The following KIZ variants were observed in gnomAD, a reference collection of about 807,000 sequenced individuals.
The protein encoded by KIZ is centrosomal protein kizuna.
A neutral mutation model predicts 79.6 loss-of-function variants in KIZ; 68 were observed. The ratio of observed to expected loss-of-function variants is 0.85; its 90% CI spans 0.70 to 1.05. The LOEUF (loss-of-function observed/expected upper bound fraction) is 1.05. KIZ is among the 50% of genes least tolerant of loss of function. The pLI is 0.00. For synonymous variants in KIZ, 280 were observed against 281.8 expected (o/e 0.99, Z 0.06); for missense variants, 797 against 800.4 (o/e 1.00, Z 0.05).
chr20:21,186,964 TAATACA>T (rs1285055157), intron 6 of KIZ, among the ~76,000 whole-genome samples: 4 of 152,184 alleles, frequency 2.6e-5, no homozygotes, highest in Non-Finnish European at 5.9e-5. Context: ...ATCTTCAGTT[TAATACA>T]GGGCAGGTTG....
intron 4 of KIZ, among the ~76,000 whole-genome samples, chr20:21,149,624 A>G (rs2033016090): frequency 6.6e-6 from 1 of 152,178 alleles, no homozygotes; most frequent in Non-Finnish European, 1.5e-5. Context: ...CCACTGCAGG[A>G]GAGGCACACG....
At chr20:21,188,716 T>TTTATTTATTTATTTA (rs2123002673) in intron 6 of KIZ, among the ~76,000 whole-genome samples, 1 of 89,166 alleles carries the variant, frequency 1.1e-5, no homozygotes, top group East Asian at 3.9e-4. Context: ...TTATTTATTT[T>TTTATTTATTTATTTA]TGAGACGGAG....
intron 4 of KIZ, chr20:21,160,960 A>G (rs2033625327): frequency 6.5e-6 from 1 of 153,128 alleles, no homozygotes; most frequent in African/African-American, 2.4e-5. Context: ...TATCAGAAAC[A>G]AATTTCTGTT....
At chr20:21,139,385 TTAAATGTG>T (rs2032388787) in intron 3 of KIZ, among the ~76,000 whole-genome samples, 1 of 152,168 alleles carries the variant, frequency 6.6e-6, no homozygotes, top group Non-Finnish European at 1.5e-5. Flanking sequence ...AGATATATGG[TTAAATGTG>T]TTCAAGCAAT....
intron 5 of KIZ, 91 bp from the exon 6 acceptor site, chr20:21,162,759 A>C (rs1260619395): frequency 9.5e-7 from 1 of 1,053,252 alleles, no homozygotes; most frequent in Non-Finnish European, 1.4e-6. Context: ...TTGCTTCTCC[A>C]TGTTTTTAAC....
At chr20:21,207,440 A>T (rs1195545934) in intron 7 of KIZ, among the ~76,000 whole-genome samples, 1 of 91,522 alleles carries the variant, frequency 1.1e-5, no homozygotes, top group Non-Finnish European at 2.1e-5. Flanking sequence ...CCTCCTCCTC[A>T]TCTTCCTCCT....
At chr20:21,209,257 C>T (rs1337442734) in intron 7 of KIZ, among the ~76,000 whole-genome samples, 2 of 152,180 alleles carry the variant, frequency 1.3e-5, no homozygotes, top group Non-Finnish European at 2.9e-5. Flanking sequence ...TAGGCAATTA[C>T]ATAATTGAGC....
intron 4 of KIZ, 106 bp from the exon 5 acceptor site, chr20:21,161,765 A>G (rs1188411894): frequency 1.4e-6 from 1 of 728,550 alleles, no homozygotes; most frequent in African/African-American, 1.8e-5. Flanking sequence ...GCTGATTTCA[A>G]TAATCATGCT....
chr20:21,139,364 T>C (rs1057492841), intron 3 of KIZ, among the ~76,000 whole-genome samples: 3 of 152,168 alleles, frequency 2.0e-5, no homozygotes, highest in African/African-American at 7.2e-5. Context: ...GAGAGGGGTA[T>C]TTAGAAACCA....
chr20:21,158,724 C>G (rs761884828), intron 4 of KIZ: 8 of 152,134 alleles, frequency 5.3e-5, no homozygotes, highest in Non-Finnish European at 1.2e-4. Flanking sequence ...CCTTTTTCCT[C>G]TATACTTTTC....
intron 4 of KIZ, among the ~76,000 whole-genome samples, chr20:21,159,732 A>G (rs368112351): frequency 6.6e-6 from 1 of 152,192 alleles, no homozygotes; most frequent in Admixed American, 6.5e-5. Context: ...ATTCTCTTGT[A>G]TGAATGTATT....
intron 6 of KIZ, among the ~76,000 whole-genome samples, chr20:21,168,878 A>G (rs899311958): frequency 2.0e-5 from 3 of 152,224 alleles, no homozygotes; most frequent in Non-Finnish European, 4.4e-5. Context: ...CTGGCTAGTC[A>G]TAGGTAGAAA....
In KIZ at chr20:21,126,187, G is replaced by A. The variant is rs2031451060; in HGVS notation, c.72G>A (p.Gln24=). The change falls in exon 1 of 13, where the codon CAG becomes CAA. Residue 24 remains glutamine, a synonymous_variant. Coordinates refer to ENST00000619189, the MANE Select transcript of KIZ (RefSeq NM_018474.6). ...ACTACGAGAGGCTGGGCCAACTCCAGCACGGGCTGCGGGACAGGTAAGGGC... is the reference window on the plus strand; with the variant it reads ...ACTACGAGAGGCTGGGCCAACTCCAACACGGGCTGCGGGACAGGTAAGGGC... The part of the protein sequence containing the change: ...PDYYERLGQL[Q]HGLRDSEKKR... The A allele has an allele frequency of 6.7e-7, 1 of 1,488,882 alleles. No individual in the cohort carries two copies. Among genetic ancestry groups the A allele is most frequent in the Non-Finnish European group, 9.0e-7 (1 of 1,115,622 alleles). 92.2% of individuals were successfully genotyped at this position (1,488,882 alleles called of 1,614,324 possible).
intron 3 of KIZ, among the ~76,000 whole-genome samples, chr20:21,137,490 G>A: frequency 1.1e-5 from 1 of 89,816 alleles, no homozygotes; most frequent in Admixed American, 1.2e-4. Context: ...TTTTTTTTTT[G>A]CCCTGCAGTT....
chr20:21,220,373 C>G (rs1465659939), intron 9 of KIZ, among the ~76,000 whole-genome samples: 1 of 152,080 alleles, frequency 6.6e-6, no homozygotes, highest in South Asian at 2.1e-4. Flanking sequence ...CTGCTCAAGG[C>G]CATGTAGCTG....
At chr20:21,163,992 G>A (rs776216803) in intron 6 of KIZ, among the ~76,000 whole-genome samples, 3 of 151,846 alleles carry the variant, frequency 2.0e-5, no homozygotes, top group Non-Finnish European at 2.9e-5. Context: ...ATGAGGAAAC[G>A]AAGGCCGGGG....
At chr20:21,156,348 A>C (rs1249349769) in intron 4 of KIZ, among the ~76,000 whole-genome samples, 1 of 152,188 alleles carries the variant, frequency 6.6e-6, no homozygotes, top group Non-Finnish European at 1.5e-5. Flanking sequence ...AATTTTTAAA[A>C]ATTCAATATA....
chr20:21,207,510 C>T (rs1313353637), intron 7 of KIZ, among the ~76,000 whole-genome samples: 2 of 138,830 alleles, frequency 1.4e-5, no homozygotes, highest in African/African-American at 5.4e-5. Flanking sequence ...CCACTTCACC[C>T]ACCTTCTCTC....
chr20:21,204,513 T>C (rs545465098), intron 6 of KIZ, among the ~76,000 whole-genome samples: 214 of 152,272 alleles, frequency 1.4e-3, no homozygotes, highest in Non-Finnish European at 2.4e-3. Context: ...TTTCATGTAT[T>C]CCCTGTGTTT....
Sources: allele counts gnomAD v4.1 joint callset (sites outside exome capture counted in the v4.1 genomes callset), GRCh38; gene constraint gnomAD v4.1.1; transcripts MANE v1.5; gene names NCBI Gene and HGNC (gene_info 2026-07-23, HGNC 2026-07-21).